The following MED17 variants were observed in gnomAD, a reference collection of about 807,000 sequenced individuals.
MED17 encodes mediator complex subunit 17.
In MED17, 49 loss-of-function variants were observed where a neutral mutation model predicts 80.8. That is an observed-to-expected ratio of 0.61 (90% CI 0.48 to 0.77). The LOEUF is 0.77. MED17 is among the 30% of genes least tolerant of loss of function. The pLI, the probability that MED17 is intolerant of heterozygous loss-of-function variation, is 0.00. For synonymous variants in MED17, 281 were observed against 280.4 expected (o/e 1.00, Z -0.02); for missense variants, 718 against 787.0 (o/e 0.91, Z 1.05).
rs1156998338 is a variant in MED17, at chr11:93,784,599, C to T, written c.86C>T (p.Thr29Met). 4.4e-6 allele frequency: 7 copies of T among 1,606,330 alleles called. No individual in the cohort carries two copies. The highest frequency in any genetic ancestry group is 5.1e-6 in the Non-Finnish European group (6 of 1,177,580). Residue 29 changes from threonine (T) to methionine (M), a missense_variant, in exon 1 of 12, where the codon ACG becomes ATG. Coordinates refer to ENST00000251871, the MANE Select transcript of MED17 (RefSeq NM_004268.5). Reference sequence around the variant, plus strand: ...GAGGTGGGCCTGGATGGCACCGAGACGTACCTGCCCCCGCTGTCCATGTCG... The same window carrying T: ...GAGGTGGGCCTGGATGGCACCGAGATGTACCTGCCCCCGCTGTCCATGTCG... ...VHEVGLDGTE[T>M]YLPPLSMSQN...
rs777821382 is a variant in MED17 at position 93,795,304 on chromosome 11, TGTG to T, written c.1012+247_1012+249del. 135 of 550,552 alleles carry T rather than the reference TGTG, an allele frequency of 2.5e-4. 1 individual carries two copies. The highest frequency in any genetic ancestry group is 1.2e-3 in the Admixed American group (37 of 30,766). 34.1% of individuals were successfully genotyped at this position (550,552 alleles called of 1,614,324 possible). On this transcript the variant is annotated intron_variant, in intron 6 of 11. Coordinates refer to ENST00000251871, the MANE Select transcript of MED17 (RefSeq NM_004268.5). Reference sequence around the variant, plus strand: ...AAATTTGCACTTATGTAGTCATTATTGTGGTCAAGAGAAAAGAAAATTTGCACT... The same window carrying T: ...AAATTTGCACTTATGTAGTCATTATTGTCAAGAGAAAAGAAAATTTGCACT...
intron 10 of MED17, 85 bp from the exon 11 acceptor site, chr11:93,809,632 A>G: frequency 2.1e-6 from 3 of 1,459,168 alleles, no homozygotes; most frequent in South Asian, 1.1e-5. Flanking sequence ...GAGCACCCCA[A>G]CAAAAGTTTA....
At chr11:93,803,997 G>GTA (rs1210736711) in intron 9 of MED17, among the ~76,000 whole-genome samples, 1 of 7,836 alleles carries the variant, frequency 1.3e-4, no homozygotes, top group African/African-American at 2.9e-4. Context: ...ATATATGTGT[G>GTA]TGTATATATA....
intron 9 of MED17, among the ~76,000 whole-genome samples, chr11:93,803,991 ATGTGTGTG>A (rs146297693): frequency 3.0e-4 from 41 of 134,834 alleles, no homozygotes; most frequent in African/African-American, 1.1e-3. Context: ...GTGTGTATAT[ATGTGTGTG>A]TATATATATA....
chr11:93,791,749 C>G (rs193064303), intron 3 of MED17, among the ~76,000 whole-genome samples: 35 of 152,114 alleles, frequency 2.3e-4, no homozygotes, highest in African/African-American at 8.2e-4. Flanking sequence ...TCTCAGTGTT[C>G]TTCTGAGAAT....
Position 93,796,480 on chromosome 11 carries a change from G to A in MED17, c.1083G>A (p.Lys361=). 5 of 1,613,944 alleles carry A rather than the reference G, an allele frequency of 3.1e-6. No individual in the cohort carries two copies. The highest frequency in any genetic ancestry group is 1.3e-5 in the African/African-American group (1 of 75,034). ...DKKSQKFATE[K]QCPEDHLYVL... Reference sequence around the variant, plus strand: ...AATCCCAAAAATTTGCTACTGAGAAGCAATGTCCGGAGGACCACCTTTATG... The same window carrying A: ...AATCCCAAAAATTTGCTACTGAGAAACAATGTCCGGAGGACCACCTTTATG... The change falls in exon 7 of 12, where the codon AAG becomes AAA. Residue 361 remains lysine (K), a synonymous_variant. Transcript: ENST00000251871.
chr11:93,790,944 C>A, intron 3 of MED17, 151 bp downstream of exon 3: 1 of 690,878 alleles, frequency 1.4e-6, no homozygotes, highest in Non-Finnish European at 2.4e-6. Context: ...CTATCTCTAC[C>A]AAAAATGCAA....
In MED17 at chr11:93,796,511, G is replaced by A; in HGVS notation, c.1114G>A (p.Glu372Lys). The A allele has an allele frequency of 6.2e-7, 1 of 1,614,110 alleles. No individual in the cohort carries two copies. The change falls in exon 7 of 12, where the codon GAG becomes AAG. Residue 372 changes from glutamate (E) to lysine (K), a missense_variant. By Grantham distance (56) the Glu-to-Lys change is moderately conservative (BLOSUM62 1). Coordinates refer to ENST00000251871, the MANE Select transcript of MED17 (RefSeq NM_004268.5). Reference sequence around the variant, plus strand: ...TCCGGAGGACCACCTTTATGTCCTAGAGCATAATTTGCATCTACTGATTAG... The same window carrying A: ...TCCGGAGGACCACCTTTATGTCCTAAAGCATAATTTGCATCTACTGATTAG... ...QCPEDHLYVL[E>K]HNLHLLIREF...
chr11:93,796,800 A>C, intron 7 of MED17: 1 of 441,232 alleles, frequency 2.3e-6, no homozygotes, highest in Non-Finnish European at 4.2e-6. Context: ...TAAAGTGCAG[A>C]GGGAAGGGTG....
intron 6 of MED17, 94 bp downstream of exon 6, chr11:93,795,154 A>G: frequency 7.4e-7 from 1 of 1,344,760 alleles, no homozygotes; most frequent in Non-Finnish European, 1.1e-6. Flanking sequence ...TTGGGAGAAT[A>G]ATGAGAGCAA....
At chr11:93,788,408 G>T in intron 2 of MED17, 1 of 376,616 alleles carries the variant, frequency 2.7e-6, no homozygotes, top group Non-Finnish European at 4.9e-6. Flanking sequence ...AAGGCCAGGC[G>T]TGGTGGCTCA....
chr11:93,801,793 T>C, intron 8 of MED17, 42 bp from the exon 9 acceptor site: 1 of 1,580,996 alleles, frequency 6.3e-7, no homozygotes, highest in South Asian at 1.1e-5. Context: ...TATCATTTTG[T>C]ATGGTGACTT....
chr11:93,804,633 T>C (rs553895619), intron 9 of MED17, among the ~76,000 whole-genome samples: 13 of 152,342 alleles, frequency 8.5e-5, no homozygotes, highest in Non-Finnish European at 1.6e-4. Context: ...GTAGAAGTTA[T>C]GTAACCCTAC....
chr11:93,811,908 A>G lies in MED17; in HGVS notation c.1800A>G (p.Gln600=). 2.5e-6 allele frequency: 4 copies of G among 1,614,130 alleles called. No individual in the cohort carries two copies. The highest frequency in any genetic ancestry group is 1.1e-5 in the South Asian group (1 of 91,080). Residue 600 remains glutamine, a synonymous_variant, in exon 12 of 12, where the codon CAA becomes CAG. Coordinates refer to ENST00000251871, the MANE Select transcript of MED17 (RefSeq NM_004268.5). ...SKIMVQFPRN[Q]CKDLPKSDVL... ...TTATGGTTCAGTTTCCTCGTAACCA[A>G]TGTAAAGACCTTCCAAAAAGTGATG... is the stretch of plus-strand genomic sequence containing the variant.
rs1029276436 is a variant in MED17 at position 93,797,548 on chromosome 11, C to T, written c.1157C>T (p.Thr386Ile). The change falls in exon 8 of 12, where the codon ACC becomes ATC. Residue 386 changes from threonine (T) to isoleucine (I), a missense_variant. Coordinates refer to ENST00000251871, the MANE Select transcript of MED17 (RefSeq NM_004268.5). ...HLLIREFHKQTLSSIMMPHPA... is the reference protein window; with the variant it reads ...HLLIREFHKQILSSIMMPHPA... ...TGTTTTTGTTAGTTTCATAAACAGA[C>T]CTTGAGTTCCATCATGATGCCTCAT... is the stretch of plus-strand genomic sequence containing the variant. The T allele has an allele frequency of 1.2e-6, 2 of 1,613,946 alleles. No homozygotes were observed. Among genetic ancestry groups the T allele is most frequent in the African/African-American group, 1.3e-5 (1 of 75,004 alleles).
At chr11:93,801,175 G>A (rs1001771889) in intron 8 of MED17, 6 of 152,088 alleles carry the variant, frequency 3.9e-5, no homozygotes, top group Non-Finnish European at 8.8e-5. Flanking sequence ...AGTTTTTTCT[G>A]TTTAAAAAAT....
chr11:93,786,889 TG>T (rs1224062583), intron 1 of MED17, among the ~76,000 whole-genome samples: 1 of 152,228 alleles, frequency 6.6e-6, no homozygotes, highest in Non-Finnish European at 1.5e-5. Context: ...CTAGCATTGT[TG>T]GAAGCAGTTT....
chr11:93,802,864 A>G (rs1384838220), intron 9 of MED17, among the ~76,000 whole-genome samples: 1 of 152,210 alleles, frequency 6.6e-6, no homozygotes. Flanking sequence ...ACATTCACAA[A>G]TCACAAGTTA....
At chr11:93,789,319 A>C (rs1279470020) in intron 2 of MED17, 1 of 152,222 alleles carries the variant, frequency 6.6e-6, no homozygotes, top group Non-Finnish European at 1.5e-5. Flanking sequence ...AATATGTTCA[A>C]GTTGCTGTCA....
Sources: gnomAD v4.1 joint callset for allele counts (sites outside exome capture counted in the v4.1 genomes callset) on GRCh38, gnomAD v4.1.1 for gene constraint, MANE v1.5 for transcripts, NCBI Gene and HGNC (gene_info 2026-07-23, HGNC 2026-07-21) for gene names.